The following UBR4 variants were observed in gnomAD, a reference collection of about 807,000 sequenced individuals.
UBR4 encodes E3 ubiquitin-protein ligase UBR4.
UBR4 carries 124 observed loss-of-function variants against 575.6 expected under a neutral mutation model. The observed-to-expected ratio is 0.22, with a 90% CI of 0.19 to 0.25. The LOEUF (loss-of-function observed/expected upper bound fraction) is 0.25. Among genes scored for constraint, UBR4 ranks in the 10% least tolerant of loss-of-function variants. The pLI, the probability that UBR4 is intolerant of heterozygous loss-of-function variation, is 1.00. For synonymous variants in UBR4, 2,455 were observed against 2,473.7 expected (o/e 0.99, Z 0.22); for missense variants, 4,818 against 6,478.8 (o/e 0.74, Z 8.80).
At chr1:19,138,934 TTCCACAAGACTTTCAGAGAG>T (rs1257911915) in intron 59 of UBR4, 129 bp downstream of exon 59, 20 of 1,039,150 alleles carry the variant, frequency 1.9e-5, no homozygotes, top group Non-Finnish European at 2.4e-5. Flanking sequence ...GCCAAATGAA[TTCCACAAGACTTTCAGAGAG>T]TCCACAAGAC....
At position 19,146,024 on chromosome 1, in the gene UBR4, T is replaced by C; in HGVS notation, c.7805-91A>G. On this transcript the variant is annotated intron_variant, in intron 52 of 105. Coordinates refer to ENST00000375254, the MANE Select transcript of UBR4 (RefSeq NM_020765.3). Reference sequence around the variant, plus strand: ...TTAACTCAGGTCAAGGAAGCTTGCCTGGGGAGGGAGTTTCAAGTGGGGCCC... The same window carrying C: ...TTAACTCAGGTCAAGGAAGCTTGCCCGGGGAGGGAGTTTCAAGTGGGGCCC... 3.1e-6 allele frequency: 5 copies of C among 1,601,744 alleles called. No homozygotes were observed. In the South Asian group the frequency reaches 5.6e-5, roughly 18 times the overall value.
At chr1:19,156,646 T>A (rs1313880742) in intron 41 of UBR4, 121 bp downstream of exon 41, 3 of 1,429,554 alleles carry the variant, frequency 2.1e-6, no homozygotes, top group Non-Finnish European at 2.8e-6. Context: ...CCTTTTGCAT[T>A]TCAGTAGGTT....
rs1057427850 is a variant in UBR4 at position 19,110,799 on chromosome 1, G to C, written c.11835C>G (p.Asp3945Glu). The C allele has an allele frequency of 6.2e-7, 1 of 1,614,196 alleles. No homozygotes were observed. The highest frequency in any genetic ancestry group is 8.5e-7 in the Non-Finnish European group (1 of 1,180,034). The stretch of plus-strand genomic sequence containing the variant: ...CTGTGGAGACCTTGCCAATAATCAG[G>C]TCATTCATCTGTTGGGTGGCTTCTG... ...DNPEATQQMN[D>E]LIIGKVSTAL... is the part of the protein sequence containing the mutation. Residue 3945 changes from aspartate (D) to glutamate (E), a missense_variant, in exon 79 of 106, where the codon GAC becomes GAG. By Grantham distance (45) the Asp-to-Glu change is conservative. This residue lies in a region of UBR4 where 333 missense variants were observed against 459.2 expected (regional missense o/e 0.73). Transcript: ENST00000375254. This position sits in a 1 kb window ranked among gnomAD's most constrained non-coding sequence, Gnocchi z 4.5.
In UBR4 at chr1:19,157,008, G is replaced by A; in HGVS notation, c.5761-83C>T. The A allele has an allele frequency of 6.8e-7, 1 of 1,467,470 alleles. No homozygotes were observed. Among genetic ancestry groups the A allele is most frequent in the Non-Finnish European group, 9.2e-7 (1 of 1,090,786 alleles). The allele number at this position is 1,467,470 out of a possible 1,614,324, so 90.9% of individuals were successfully genotyped here. On this transcript the variant is annotated intron_variant, in intron 40 of 105. Coordinates refer to ENST00000375254, the MANE Select transcript of UBR4 (RefSeq NM_020765.3). The surrounding 1 kb of genome is among the most constrained non-coding windows in gnomAD (Gnocchi z 4.4). ...GCAAGTAACAAAAACTCTTTCAATA[G>A]GGATAACAGGTTGCACACTTTTTTC... is the stretch of plus-strand genomic sequence containing the variant.
chr1:19,127,371 C>A (rs558139375), intron 63 of UBR4, among the ~76,000 whole-genome samples: 24 of 152,342 alleles, frequency 1.6e-4, no homozygotes, highest in South Asian at 1.2e-3. Context: ...GAGAGCCCTG[C>A]TCTTCAATAA....
At chr1:19,187,649 T>A in intron 11 of UBR4, 109 bp from the exon 12 acceptor site, 1 of 1,018,560 alleles carries the variant, frequency 9.8e-7, no homozygotes, top group Non-Finnish European at 1.4e-6. Context: ...TTTCAGACTC[T>A]GTGGACCTTC....
At chr1:19,184,237 T>A in intron 15 of UBR4, 62 bp from the exon 16 acceptor site, 1 of 1,532,044 alleles carries the variant, frequency 6.5e-7, no homozygotes, top group Non-Finnish European at 8.8e-7. Context: ...TCCTATAAAC[T>A]CTGATTACAA....
At chr1:19,078,187 C>A in intron 103 of UBR4, 121 bp from the exon 104 acceptor site, 1 of 983,760 alleles carries the variant, frequency 1.0e-6, no homozygotes, top group Non-Finnish European at 1.5e-6. Context: ...GGAGTTCCAG[C>A]GACTAGCCTT....
rs2149924046 is a variant in UBR4 at position 19,139,143 on chromosome 1, C to T, written c.8671G>A (p.Gly2891Ser). The T allele has an allele frequency of 6.2e-7, 1 of 1,614,062 alleles. No homozygotes were observed. The highest frequency in any genetic ancestry group is 1.7e-5 in the Admixed American group (1 of 60,018). ...CCCCCGCTCTCCGAGCCCACACTAC[C>T]ACCGTGGTCAGCAGGAGAGGTCCGA... ...TLRTSPADHG[G>S]SVGSESGGSA... is the part of the protein sequence containing the mutation. The change falls in exon 59 of 106, where the codon GGT becomes AGT. Residue 2891 changes from glycine to serine, a missense_variant. Gly to Ser is a moderately conservative substitution (Grantham distance 56, BLOSUM62 0). Around this residue, in one of 29 missense-constraint regions of UBR4, gnomAD observed 57 missense variants for 101.5 expected, o/e 0.56. Coordinates refer to ENST00000375254, the MANE Select transcript of UBR4 (RefSeq NM_020765.3). The surrounding 1 kb of genome is among the most constrained non-coding windows in gnomAD (Gnocchi z 4.2).
rs1383718983 is a variant in UBR4 at position 19,148,114 on chromosome 1, T to C, written c.7508A>G (p.Asn2503Ser). The C allele has an allele frequency of 6.2e-7, 1 of 1,607,286 alleles. No homozygotes were observed. Residue 2503 changes from asparagine to serine, a missense_variant, in exon 51 of 106, where the codon AAT becomes AGT. Physicochemically the swap from Asn to Ser is conservative, Grantham distance 46 (BLOSUM62 1). Coordinates refer to ENST00000375254, the MANE Select transcript of UBR4 (RefSeq NM_020765.3). ...GPIIEKERNK[N>S]AAQELATLLL... ...CAAAGTGGCCAGCTCCTGAGCAGCA[T>C]TCTTGTTTCTCTCCTAAGGCAAAAG...
At chr1:19,183,742 A>G in intron 17 of UBR4, 69 bp downstream of exon 17, 2 of 1,490,558 alleles carry the variant, frequency 1.3e-6, no homozygotes, top group Non-Finnish European at 1.9e-6. Context: ...ACAAACAAAC[A>G]ATTGGAGCTG....
chr1:19,117,287 A>G lies in UBR4; in HGVS notation c.10757T>C (p.Met3586Thr). ...VKIGDLKRTK[M>T]VRTINLYYNN... ...ATAATACAGGTTGATGGTCCGCACCATCTTGGTCCGTTTCAGATCCCCGAT... is the reference window on the plus strand; with the variant it reads ...ATAATACAGGTTGATGGTCCGCACCGTCTTGGTCCGTTTCAGATCCCCGAT... The change falls in exon 73 of 106, where the codon ATG becomes ACG. Residue 3586 changes from methionine to threonine, a missense_variant. This residue lies in a region of UBR4 where 550 missense variants were observed against 791.5 expected (regional missense o/e 0.69). Coordinates refer to ENST00000375254, the MANE Select transcript of UBR4 (RefSeq NM_020765.3). The surrounding 1 kb of genome is among the most constrained non-coding windows in gnomAD (Gnocchi z 4.0). 1 of 1,614,176 alleles carries G rather than the reference A, an allele frequency of 6.2e-7. No individual in the cohort carries two copies.
chr1:19,076,547 A>G (rs992421055), intron 105 of UBR4, among the ~76,000 whole-genome samples, 193 bp downstream of exon 105: 1 of 152,154 alleles, frequency 6.6e-6, no homozygotes, highest in Non-Finnish European at 1.5e-5. Context: ...TGCTCAGTAC[A>G]TGTTAGAGCT....
In UBR4 at chr1:19,126,430, G is replaced by A. The variant is rs779942935; in HGVS notation, c.9438+16C>T. The A allele has an allele frequency of 1.9e-6, 3 of 1,613,984 alleles. No individual in the cohort carries two copies. The highest frequency in any genetic ancestry group is 2.2e-5 in the East Asian group (1 of 44,880). ...AACAAAGGACGAGTGTTTCTTTGAT[G>A]AGGGAAAGATCTCACCTTCACATAC... On this transcript the variant is annotated intron_variant, in intron 64 of 105. Transcript: ENST00000375254.
chr1:19,209,214 C>G (rs903555207), intron 1 of UBR4, among the ~76,000 whole-genome samples: 2 of 152,068 alleles, frequency 1.3e-5, no homozygotes, highest in African/African-American at 4.8e-5. Context: ...CAGGGAGTTG[C>G]TGAAATGAGG....
intron 17 of UBR4, among the ~76,000 whole-genome samples, chr1:19,179,583 C>CTT (rs2090657662): frequency 1.3e-5 from 2 of 152,156 alleles, no homozygotes; most frequent in South Asian, 4.1e-4. Flanking sequence ...ACTGTAATAG[C>CTT]TAATAGTTTT....
At chr1:19,085,535 T>G (rs1466290729) in intron 101 of UBR4, among the ~76,000 whole-genome samples, 1 of 152,108 alleles carries the variant, frequency 6.6e-6, no homozygotes, top group Non-Finnish European at 1.5e-5. Context: ...AACAAAAGAA[T>G]AGAGGTTAAG....
At chr1:19,146,724 G>A (rs1452432330) in intron 52 of UBR4, 102 bp downstream of exon 52, 3 of 1,464,092 alleles carry the variant, frequency 2.0e-6, no homozygotes, top group African/African-American at 2.8e-5. Flanking sequence ...CCCTGTCTCT[G>A]AGCATGCAGT....
intron 52 of UBR4, 182 bp from the exon 53 acceptor site, chr1:19,146,115 G>T (rs1226738547): frequency 1.9e-6 from 3 of 1,542,006 alleles, no homozygotes; most frequent in African/African-American, 2.8e-5. Flanking sequence ...GTCTGGGAAA[G>T]GAATATCGCA....
Sources: allele counts gnomAD v4.1 joint callset (sites outside exome capture counted in the v4.1 genomes callset), GRCh38; gene constraint gnomAD v4.1.1; regional missense constraint gnomAD v4.1.1; non-coding constraint Gnocchi (gnomAD v3.1); transcripts MANE v1.5; gene names NCBI Gene and HGNC (gene_info 2026-07-23, HGNC 2026-07-21).